Variants in FBXO42 observed in about 807,000 individuals in gnomAD.
FBXO42 encodes F-box only protein 42.
In FBXO42, 12 loss-of-function variants were observed where a neutral mutation model predicts 71.7. The observed-to-expected ratio is 0.17, with a 90% CI of 0.11 to 0.27. FBXO42 has a LOEUF of 0.27. FBXO42 is among the 10% of genes least tolerant of loss of function. The pLI is 1.00. For synonymous variants in FBXO42, 325 were observed against 327.5 expected (o/e 0.99, Z 0.08); for missense variants, 707 against 911.9 (o/e 0.78, Z 2.89).
At chr1:16,294,298 T>C (rs1449218755) in intron 4 of FBXO42, 1 of 153,444 alleles carries the variant, frequency 6.5e-6, no homozygotes, top group Non-Finnish European at 1.5e-5. Flanking sequence ...GGTAGGAATG[T>C]ACCTACTGTA....
At chr1:16,283,235 C>T (rs2081983089) in intron 4 of FBXO42, among the ~76,000 whole-genome samples, 1 of 152,114 alleles carries the variant, frequency 6.6e-6, no homozygotes, top group Non-Finnish European at 1.5e-5. Flanking sequence ...AGGCCAAGAA[C>T]AGGCATCTAG....
At chr1:16,329,445 G>A (rs1051125176) in intron 1 of FBXO42, among the ~76,000 whole-genome samples, 43 of 151,544 alleles carry the variant, frequency 2.8e-4, no homozygotes, top group Admixed American at 4.0e-4. Context: ...TTAGCCAGGC[G>A]TGGCGGTGTG....
chr1:16,287,552 G>A (rs1353000213), intron 4 of FBXO42, among the ~76,000 whole-genome samples: 1 of 152,182 alleles, frequency 6.6e-6, no homozygotes. Flanking sequence ...TGAAGGATGA[G>A]AGAAGAATTT....
intron 4 of FBXO42, among the ~76,000 whole-genome samples, chr1:16,271,258 G>GGGGT (rs1356399718): frequency 3.9e-4 from 54 of 137,508 alleles, no homozygotes; most frequent in African/African-American, 1.3e-3. Context: ...TGTGTGTGTT[G>GGGGT]GTGTGTGTGT....
chr1:16,330,803 A>G lies in FBXO42; in HGVS notation c.-17-15368T>C, dbSNP rs1239994326. On this transcript the variant is annotated intron_variant, in intron 1 of 9. Transcript: ENST00000375592. ...TAAAGATACAAAAAATTAGCTGGGC[A>G]TGGTGGTGGGCACCTGTAATCCCAG... Among the ~76,000 whole-genome samples, 3 of 152,068 alleles carry G rather than the reference A, an allele frequency of 2.0e-5. No individual in the cohort carries two copies. In the Admixed American group the frequency reaches 2.0e-4, roughly 10 times the overall value.
At chr1:16,318,271 A>T (rs1303082250) in intron 1 of FBXO42, among the ~76,000 whole-genome samples, 1 of 152,056 alleles carries the variant, frequency 6.6e-6, no homozygotes, top group Admixed American at 6.6e-5. Context: ...CACAAAAATT[A>T]GTTGGGTGTG....
At chr1:16,345,790 G>A (rs938696079) in intron 1 of FBXO42, among the ~76,000 whole-genome samples, 4 of 150,110 alleles carry the variant, frequency 2.7e-5, no homozygotes, top group African/African-American at 9.8e-5. Context: ...AGAGCTTGCA[G>A]TGAGCCGAGA....
intron 1 of FBXO42, among the ~76,000 whole-genome samples, chr1:16,342,328 G>A (rs1220377287): frequency 1.5e-4 from 22 of 151,370 alleles, no homozygotes; most frequent in East Asian, 3.9e-4. Context: ...CCTGGGAGGC[G>A]GAGGTTGCGG....
intron 3 of FBXO42, among the ~76,000 whole-genome samples, chr1:16,297,723 C>T (rs6669766): frequency 0.027 from 4,148 of 151,844 alleles, 187 homozygotes; most frequent in African/African-American, 0.093. Flanking sequence ...AAAAATTAGC[C>T]GGGCGTGGTG....
chr1:16,314,206 T>C (rs2082341827), intron 2 of FBXO42, among the ~76,000 whole-genome samples: 1 of 152,180 alleles, frequency 6.6e-6, no homozygotes, highest in Non-Finnish European at 1.5e-5. Context: ...TGCCTTGGCC[T>C]CGCAAAGTGC....
chr1:16,264,780 A>G (rs1044374557), intron 4 of FBXO42, among the ~76,000 whole-genome samples: 1 of 152,246 alleles, frequency 6.6e-6, no homozygotes, highest in African/African-American at 2.4e-5. Flanking sequence ...GACACCCTAT[A>G]CAACAGAACT....
At position 16,255,754 on chromosome 1, in the gene FBXO42, C is replaced by T; in HGVS notation, c.724G>A (p.Asp242Asn). Residue 242 changes from aspartate (D) to asparagine (N), a missense_variant, in exon 6 of 10, where the codon GAT (aspartate) becomes AAT (asparagine). Asp to Asn is a conservative substitution (Grantham distance 23). This residue lies in a region of FBXO42 where 482 missense variants were observed against 587.1 expected (regional missense o/e 0.82). Transcript: ENST00000375592. The part of the protein sequence containing the change: ...MAGHSSCVID[D>N]KMIVFGGSLG... ...GAGCCACCAAAGACAATCATTTTAT[C>T]ATCTATCACACAGGAGGAGTGGCCA... 2 of 1,614,096 alleles carry T rather than the reference C, an allele frequency of 1.2e-6. No individual in the cohort carries two copies. The highest frequency in any genetic ancestry group is 1.7e-6 in the Non-Finnish European group (2 of 1,180,002).
chr1:16,337,889 A>C (rs2082566386), intron 1 of FBXO42, among the ~76,000 whole-genome samples: 1 of 112,216 alleles, frequency 8.9e-6, no homozygotes, highest in Non-Finnish European at 1.9e-5. Context: ...GTCTCAAAAA[A>C]AAAAAAAAAA....
chr1:16,321,067 C>G (rs2082406745), intron 1 of FBXO42, among the ~76,000 whole-genome samples: 1 of 152,194 alleles, frequency 6.6e-6, no homozygotes, highest in Non-Finnish European at 1.5e-5. Flanking sequence ...TAAAACAACT[C>G]ATTCTCTTTC....
rs747571092 is a variant in FBXO42, at chr1:16,251,045, C to T, written c.1779G>A (p.Leu593=). The change falls in exon 10 of 10, where the codon TTG becomes TTA. Residue 593 remains leucine, a synonymous_variant. Coordinates refer to ENST00000375592, the MANE Select transcript of FBXO42 (RefSeq NM_018994.3). The surrounding 1 kb of genome is among the most constrained non-coding windows in gnomAD (Gnocchi z 4.5). ...GGATGGGCACTGTTTCTCCACTGCT[C>T]AAACTCTGGCTCCCAGGAGAGCCTG... The part of the protein sequence containing the change: ...SSPGSPGSQS[L]SSGETVPIPR... The T allele has an allele frequency of 2.5e-6, 4 of 1,614,056 alleles. No individual in the cohort carries two copies. Among genetic ancestry groups the T allele is most frequent in the African/African-American group, 2.7e-5 (2 of 74,916 alleles).
At chr1:16,258,808 C>T (rs1389578224) in intron 4 of FBXO42, among the ~76,000 whole-genome samples, 4 of 152,132 alleles carry the variant, frequency 2.6e-5, no homozygotes, top group Admixed American at 1.3e-4. Context: ...GCGATCATGG[C>T]TCACTGCAGC....
Position 16,247,449 on chromosome 1 carries a change from G to C in FBXO42, c.*3221C>G, listed in dbSNP as rs2081545207. On this transcript the variant is annotated 3_prime_UTR_variant, in exon 10 of 10. Transcript: ENST00000375592. The stretch of plus-strand genomic sequence containing the variant: ...AGAAGGAAACCCAGAATGACAAGGT[G>C]AAAGAAAGGAAAGGGAAACATCTCT... The C allele has an allele frequency of 6.6e-6, 1 of 152,240 alleles. No homozygotes were observed. The highest frequency in any genetic ancestry group is 2.4e-5 in the African/African-American group (1 of 41,446). 9.4% of individuals were successfully genotyped at this position (152,240 alleles called of 1,614,324 possible). A position where few individuals can be genotyped will look rare whatever the true frequency, so the allele number is the denominator to read the frequency against.
At chr1:16,277,966 CA>C (rs1329453888) in intron 4 of FBXO42, among the ~76,000 whole-genome samples, 1 of 151,888 alleles carries the variant, frequency 6.6e-6, no homozygotes, top group Non-Finnish European at 1.5e-5. Flanking sequence ...CACTTGAGCC[CA>C]AGAGGTCGAG....
At chr1:16,339,294 A>C (rs570418519) in intron 1 of FBXO42, among the ~76,000 whole-genome samples, 2 of 151,886 alleles carry the variant, frequency 1.3e-5, no homozygotes, top group South Asian at 4.2e-4. Context: ...ATGTCACACT[A>C]TTTCATATTG....
Sources: gnomAD v4.1 joint callset for allele counts (sites outside exome capture counted in the v4.1 genomes callset) on GRCh38, gnomAD v4.1.1 for gene constraint, gnomAD v4.1.1 regional missense constraint, Gnocchi (gnomAD v3.1) non-coding constraint, MANE v1.5 for transcripts, NCBI Gene and HGNC (gene_info 2026-07-23, HGNC 2026-07-21) for gene names.